Variants in RNF25 observed in about 807,000 individuals in gnomAD.
The protein encoded by RNF25 is E3 ubiquitin-protein ligase RNF25.
RNF25 carries 32 observed loss-of-function variants against 65.0 expected under a neutral mutation model. The observed-to-expected ratio is 0.49, with a 90% CI of 0.37 to 0.66. The LOEUF is 0.66. Ranked by LOEUF, RNF25 falls within the 30% of genes least tolerant of loss-of-function variation. The pLI, the probability that RNF25 is intolerant of heterozygous loss-of-function variation, is 0.00. For synonymous variants in RNF25, 207 were observed against 221.2 expected (o/e 0.94, Z 0.57); for missense variants, 493 against 584.8 (o/e 0.84, Z 1.62).
intron 1 of RNF25, 45 bp from the exon 2 acceptor site, chr2:218,668,724 G>A (rs767968945): frequency 2.9e-6 from 4 of 1,366,860 alleles, no homozygotes; most frequent in Admixed American, 3.4e-5. Context: ...AGCTCTCCCT[G>A]TGGAAGCCTG....
In RNF25 at chr2:218,666,194, G is replaced by A. The variant is rs1219204895; in HGVS notation, c.394C>T (p.His132Tyr). The A allele has an allele frequency of 1.2e-6, 2 of 1,614,072 alleles. No homozygotes were observed. The highest frequency in any genetic ancestry group is 1.3e-5 in the African/African-American group (1 of 75,048). ...KEILTDNNIP[H>Y]GQCVICLYGF... Reference sequence around the variant, plus strand: ...TAGAGGCAGATGACACACTGGCCATGAGGGATGTTGTTATCTGTGAGAATT... The same window carrying A: ...TAGAGGCAGATGACACACTGGCCATAAGGGATGTTGTTATCTGTGAGAATT... Residue 132 changes from histidine to tyrosine, a missense_variant, in exon 6 of 10, where the codon CAT (histidine) becomes TAT (tyrosine). This residue lies in a region of RNF25 where 108 missense variants were observed against 166.0 expected (regional missense o/e 0.65). Transcript: ENST00000295704.
At chr2:218,668,510 G>C (rs1008449611) in intron 2 of RNF25, 95 bp downstream of exon 2, 103 of 1,037,266 alleles carry the variant, frequency 9.9e-5, no homozygotes, top group Admixed American at 6.9e-5. Flanking sequence ...TATTATCTCT[G>C]AATCAAGGCT....
In RNF25 at chr2:218,664,006, G is replaced by C; in HGVS notation, c.1331C>G (p.Pro444Arg). ...RLPRGQGAYR[P>R]GTRRESLGLE... ...GCCCAGGGACTCCCTCCGAGTACCA[G>C]GCCGGTATGCTCCCTGGCCCCGAGG... is the stretch of plus-strand genomic sequence containing the variant. Residue 444 changes from proline to arginine, a missense_variant, in exon 10 of 10, where the codon CCT becomes CGT. Physicochemically the swap from Pro to Arg is moderately radical, Grantham distance 103 (BLOSUM62 -2). This residue lies in a region of RNF25 where 351 missense variants were observed against 400.2 expected (regional missense o/e 0.88). Transcript: ENST00000295704. This position sits in a 1 kb window ranked among gnomAD's most constrained non-coding sequence, Gnocchi z 5.1. The C allele has an allele frequency of 2.0e-6, 3 of 1,479,566 alleles. No homozygotes were observed. Among genetic ancestry groups the C allele is most frequent in the Non-Finnish European group, 2.7e-6 (3 of 1,114,622 alleles). The allele number at this position is 1,479,566 out of a possible 1,614,324, so 91.7% of individuals were successfully genotyped here.
At chr2:218,669,729 G>A (rs1273102342) in intron 1 of RNF25, among the ~76,000 whole-genome samples, 1 of 152,240 alleles carries the variant, frequency 6.6e-6, no homozygotes, top group Non-Finnish European at 1.5e-5. Context: ...CATTCTAAGA[G>A]TAAGGCTGCC....
intron 5 of RNF25, among the ~76,000 whole-genome samples, chr2:218,667,300 G>C (rs1939842406): frequency 6.6e-6 from 1 of 151,752 alleles, no homozygotes; most frequent in Non-Finnish European, 1.5e-5. Flanking sequence ...GCTTCATGTG[G>C]GTTGTTTCAT....
chr2:218,664,311 G>T lies in RNF25; in HGVS notation c.1026C>A (p.Pro342=), dbSNP rs577124569. The change falls in exon 10 of 10, where the codon CCC becomes CCA. Residue 342 remains proline, a synonymous_variant. Transcript: ENST00000295704. This position sits in a 1 kb window ranked among gnomAD's most constrained non-coding sequence, Gnocchi z 5.1. ...TQKAMLDPPK[P]SRGPWRQPER... ...CGGGCTGTCGCCAGGGACCTCGACT[G>T]GGCTTGGGGGGATCTAGCATAGCTT... 22 of 1,613,114 alleles carry T rather than the reference G, an allele frequency of 1.4e-5. No individual in the cohort carries two copies. In the Admixed American group the frequency reaches 2.2e-4, roughly 16 times the overall value.
In RNF25 at chr2:218,664,959, C is replaced by T; in HGVS notation, c.667-86G>A. 6.4e-7 allele frequency: 1 copy of T among 1,567,052 alleles called. No individual in the cohort carries two copies. Among genetic ancestry groups the T allele is most frequent in the Non-Finnish European group, 8.7e-7 (1 of 1,152,950 alleles). Reference sequence around the variant, plus strand: ...CTCCTCCCAGGCTGCCTCAGGAGATCTGCACTGGTTTTGCCCCTCAGGTCT... The same window carrying T: ...CTCCTCCCAGGCTGCCTCAGGAGATTTGCACTGGTTTTGCCCCTCAGGTCT... On this transcript the variant is annotated intron_variant, in intron 8 of 9. Transcript: ENST00000295704. This position sits in a 1 kb window ranked among gnomAD's most constrained non-coding sequence, Gnocchi z 5.1.
chr2:218,664,631 G>A lies in RNF25; in HGVS notation c.802-96C>T, dbSNP rs1939779634. 6.3e-7 allele frequency: 1 copy of A among 1,577,270 alleles called. No homozygotes were observed. On this transcript the variant is annotated intron_variant, in intron 9 of 9. Transcript: ENST00000295704. This position sits in a 1 kb window ranked among gnomAD's most constrained non-coding sequence, Gnocchi z 5.1. The stretch of plus-strand genomic sequence containing the variant: ...CTACTATCTGGGCTGACCACGATCA[G>A]CCTATCATCTTCCTGGTTAGAACAA...
intron 1 of RNF25, among the ~76,000 whole-genome samples, chr2:218,670,645 G>A (rs1024448495): frequency 1.4e-5 from 2 of 138,526 alleles, no homozygotes; most frequent in African/African-American, 5.5e-5. Flanking sequence ...GCAGTGAACC[G>A]AGATTGCGCC....
In RNF25 at chr2:218,664,884, G is replaced by A; in HGVS notation, c.667-11C>T. 6.2e-7 allele frequency: 1 copy of A among 1,614,052 alleles called. No homozygotes were observed. On this transcript the variant is annotated splice_polypyrimidine_tract_variant and intron_variant, in intron 8 of 9. Transcript: ENST00000295704. This position sits in a 1 kb window ranked among gnomAD's most constrained non-coding sequence, Gnocchi z 5.1. ...GGGCTGGTACAGCTCCTGGAAGGAAGAATGGCAGAGAGGAAATAATGAACA... is the reference window on the plus strand; with the variant it reads ...GGGCTGGTACAGCTCCTGGAAGGAAAAATGGCAGAGAGGAAATAATGAACA...
chr2:218,671,960 G>C lies in RNF25; in HGVS notation c.11C>G (p.Ser4Cys), dbSNP rs1294940955. The change falls in exon 1 of 10, where the codon TCT becomes TGT. Residue 4 changes from serine (S) to cysteine (C), a missense_variant. Physicochemically the swap from Ser to Cys is moderately radical, Grantham distance 112. Around this residue, in one of 3 missense-constraint regions of RNF25, gnomAD observed 34 missense variants for 18.6 expected, o/e 1.83. Transcript: ENST00000295704. MAA[S>C]ASAAAGEEDW... The stretch of plus-strand genomic sequence containing the variant: ...CTCCTCCCCTGCAGCTGCAGACGCA[G>C]ACGCCGCCATATCTTCACCGGCCCG... 2.6e-5 allele frequency: 42 copies of C among 1,614,082 alleles called. No individual in the cohort carries two copies. Among genetic ancestry groups the C allele is most frequent in the Middle Eastern group, 1.6e-4 (1 of 6,084 alleles).
chr2:218,666,030 AC>A lies in RNF25; in HGVS notation c.458del (p.Cys153PhefsTer21), dbSNP rs1939819175. The A allele has an allele frequency of 6.2e-7, 1 of 1,614,082 alleles. No homozygotes were observed. The highest frequency in any genetic ancestry group is 1.3e-5 in the African/African-American group (1 of 75,026). On this transcript the variant is annotated frameshift_variant, in exon 7 of 10. Transcript: ENST00000295704. LOFTEE classifies it high-confidence loss of function. ...QEKEAFTKTP[C>X]YHYFHCHCLA... ...GGCAGTGGCAGTGGAAGTAGTGGTA[AC>A]AGGGTGTTTTGGTAAAGGCCTCCTT...
rs985564672 is a variant in RNF25 at position 218,665,820 on chromosome 2, A to T, written c.573+96T>A. The T allele has an allele frequency of 6.7e-6, 10 of 1,489,554 alleles. No individual in the cohort carries two copies. The African/African-American group carries it at 1.4e-4, about 21-fold the overall frequency. The allele number at this position is 1,489,554 out of a possible 1,614,324, so 92.3% of individuals were successfully genotyped here. On this transcript the variant is annotated intron_variant, in intron 7 of 9. Coordinates refer to ENST00000295704, the MANE Select transcript of RNF25 (RefSeq NM_022453.3). Reference sequence around the variant, plus strand: ...AATCTCAAGGGTATCTATGACCCTGAAAAAGTGAAGAGCCACTGGAGTGGA... The same window carrying T: ...AATCTCAAGGGTATCTATGACCCTGTAAAAGTGAAGAGCCACTGGAGTGGA...
In RNF25 at chr2:218,668,319, T is replaced by C; in HGVS notation, c.139A>G (p.Ile47Val). The stretch of plus-strand genomic sequence containing the variant: ...TCTGCAGTGGCAGGATGCAAAGTGA[T>C]GTAGATCTCCCATGGTGAAGTTCTG... ...NGRTSPWEIY[I>V]TLHPATAEDQ... The change falls in exon 3 of 10, where the codon ATC (isoleucine) becomes GTC (valine). Residue 47 changes from isoleucine to valine, a missense_variant. Transcript: ENST00000295704. The C allele has an allele frequency of 6.2e-7, 1 of 1,612,688 alleles. No individual in the cohort carries two copies. Among genetic ancestry groups the C allele is most frequent in the Non-Finnish European group, 8.5e-7 (1 of 1,179,842 alleles).
Position 218,668,350 on chromosome 2 carries a change from G to A in RNF25, c.117-9C>T. On this transcript the variant is annotated splice_polypyrimidine_tract_variant and intron_variant, in intron 2 of 9. Transcript: ENST00000295704. ...TCTCCCATGGTGAAGTTCTGCAGGT[G>A]GATCAAGTGGACACGCAGATGTGAC... 1.3e-6 allele frequency: 2 copies of A among 1,595,660 alleles called. No homozygotes were observed. Among genetic ancestry groups the A allele is most frequent in the Non-Finnish European group, 1.7e-6 (2 of 1,165,956 alleles).
At position 218,667,895 on chromosome 2, in the gene RNF25, AC is replaced by A; in HGVS notation, c.357+16del. The A allele has an allele frequency of 6.2e-7, 1 of 1,611,052 alleles. No homozygotes were observed. Among genetic ancestry groups the A allele is most frequent in the Non-Finnish European group, 8.5e-7 (1 of 1,177,676 alleles). ...GCTTGAAGGAAAGAACATATCTCAGACTAGCGCACCTCTTACCTCAATGAGT... is the reference window on the plus strand; with the variant it reads ...GCTTGAAGGAAAGAACATATCTCAGATAGCGCACCTCTTACCTCAATGAGT... On this transcript the variant is annotated intron_variant, in intron 5 of 9. Coordinates refer to ENST00000295704, the MANE Select transcript of RNF25 (RefSeq NM_022453.3).
chr2:218,670,269 C>T (rs1404718481), intron 1 of RNF25, among the ~76,000 whole-genome samples: 6 of 151,398 alleles, frequency 4.0e-5, no homozygotes, highest in Middle Eastern at 3.4e-3. Flanking sequence ...CTCTTAATAA[C>T]GGCCAGTACT....
chr2:218,671,981 GC>G lies in RNF25; in HGVS notation c.-12del. ...CGCAGACGCCGCCATATCTTCACCG[GC>G]CCGCAGCCGGAACCGGAAATGCCCT... On this transcript the variant is annotated 5_prime_UTR_variant, in exon 1 of 10. Transcript: ENST00000295704. 1 of 1,614,202 alleles carries G rather than the reference GC, an allele frequency of 6.2e-7. No individual in the cohort carries two copies. The highest frequency in any genetic ancestry group is 1.3e-5 in the African/African-American group (1 of 75,050).
intron 2 of RNF25, 82 bp from the exon 3 acceptor site, chr2:218,668,423 T>C: frequency 1.8e-6 from 2 of 1,088,074 alleles, no homozygotes; most frequent in African/African-American, 1.5e-5. Context: ...GACAGTGAAG[T>C]GGGCAAAGGA....
Sources: allele counts gnomAD v4.1 joint callset (sites outside exome capture counted in the v4.1 genomes callset), GRCh38; gene constraint gnomAD v4.1.1; regional missense constraint gnomAD v4.1.1; non-coding constraint Gnocchi (gnomAD v3.1); transcripts MANE v1.5; gene names NCBI Gene and HGNC (gene_info 2026-07-23, HGNC 2026-07-21).